The following THSD4 variants were observed in gnomAD, a reference collection of about 807,000 sequenced individuals.
THSD4 encodes the protein thrombospondin type 1 domain containing 4, also known as thrombospondin type-1 domain-containing protein 4.
A neutral mutation model predicts 119.0 loss-of-function variants in THSD4; 69 were observed. The ratio of observed to expected loss-of-function variants is 0.58; its 90% CI spans 0.48 to 0.71. The LOEUF (loss-of-function observed/expected upper bound fraction) is 0.71. Among genes scored for constraint, THSD4 ranks in the 30% least tolerant of loss-of-function variants. The pLI is 0.00. For synonymous variants in THSD4, 524 were observed against 540.4 expected (o/e 0.97, Z 0.42); for missense variants, 1,393 against 1,391.1 (o/e 1.00, Z -0.02).
intron 8 of THSD4, among the ~76,000 whole-genome samples, chr15:71,702,496 A>G (rs1167268466): frequency 6.6e-6 from 1 of 152,180 alleles, no homozygotes; most frequent in Non-Finnish European, 1.5e-5. Flanking sequence ...TTGGGGGCTC[A>G]AGCCTCATTA....
At chr15:71,408,390 G>A (rs1156462932) in intron 6 of THSD4, among the ~76,000 whole-genome samples, 1 of 151,882 alleles carries the variant, frequency 6.6e-6, no homozygotes, top group African/African-American at 2.4e-5. Flanking sequence ...GCACCCTCAC[G>A]CCCACCTAAT....
chr15:71,704,294 C>G (rs1411453735), intron 8 of THSD4, among the ~76,000 whole-genome samples: 2 of 152,220 alleles, frequency 1.3e-5, no homozygotes. Flanking sequence ...GGCTATGTCC[C>G]CACCCAAATC....
intron 6 of THSD4, among the ~76,000 whole-genome samples, chr15:71,362,161 C>T (rs373901906): frequency 6.6e-6 from 1 of 152,132 alleles, no homozygotes; most frequent in Non-Finnish European, 1.5e-5. Context: ...TGCCTGTAAT[C>T]CCAGCTACTT....
chr15:71,365,484 G>A (rs887523983), intron 6 of THSD4, among the ~76,000 whole-genome samples: 1 of 151,926 alleles, frequency 6.6e-6, no homozygotes, highest in African/African-American at 2.4e-5. Flanking sequence ...GTATTTCCTT[G>A]TCTCCCAAAA....
intron 8 of THSD4, among the ~76,000 whole-genome samples, chr15:71,694,517 A>G (rs952116545): frequency 2.0e-5 from 3 of 152,192 alleles, no homozygotes; most frequent in African/African-American, 7.2e-5. Context: ...ATTTCTGTGT[A>G]TAGTTTAATT....
chr15:71,547,672 TTTC>T, intron 7 of THSD4: 1 of 670,230 alleles, frequency 1.5e-6, no homozygotes, highest in Non-Finnish European at 2.3e-6. Flanking sequence ...AATTTTATAC[TTTC>T]TAAAATGTCA....
intron 2 of THSD4, among the ~76,000 whole-genome samples, chr15:71,153,449 C>T (rs941982585): frequency 2.6e-5 from 4 of 152,186 alleles, no homozygotes; most frequent in Admixed American, 2.6e-4. Flanking sequence ...AACTCCATGA[C>T]AACAGCAAGA....
intron 2 of THSD4, among the ~76,000 whole-genome samples, chr15:71,142,712 G>A (rs1323805648): frequency 6.6e-6 from 1 of 152,136 alleles, no homozygotes; most frequent in African/African-American, 2.4e-5. Context: ...ATTCTGTGAT[G>A]AAGCTCATCT....
chr15:71,635,182 C>G (rs965593008), intron 7 of THSD4, among the ~76,000 whole-genome samples: 1 of 152,194 alleles, frequency 6.6e-6, no homozygotes, highest in Non-Finnish European at 1.5e-5. Context: ...GAATGTAGGA[C>G]TTCATTTTTC....
intron 6 of THSD4, among the ~76,000 whole-genome samples, chr15:71,266,309 A>AG (rs1171736473): frequency 6.6e-6 from 1 of 152,212 alleles, no homozygotes; most frequent in Non-Finnish European, 1.5e-5. Context: ...GGTGATACCT[A>AG]GGCAAACAGG....
chr15:71,477,547 C>T (rs1334071139), intron 7 of THSD4, among the ~76,000 whole-genome samples: 1 of 152,182 alleles, frequency 6.6e-6, no homozygotes, highest in Non-Finnish European at 1.5e-5. Context: ...CATTATGCTG[C>T]ATGTTATGGA....
intron 7 of THSD4, among the ~76,000 whole-genome samples, chr15:71,636,038 A>G (rs1345541390): frequency 6.6e-6 from 1 of 152,202 alleles, no homozygotes; most frequent in Non-Finnish European, 1.5e-5. Flanking sequence ...AGTGGAAAGC[A>G]CGTGGGCTTT....
intron 7 of THSD4, among the ~76,000 whole-genome samples, chr15:71,439,336 C>G (rs909560085): frequency 2.0e-5 from 3 of 152,134 alleles, no homozygotes; most frequent in Non-Finnish European, 4.4e-5. Context: ...TCACAATTCC[C>G]AGCAAAATGC....
At chr15:71,244,888 TAGAG>T (rs1380188826) in intron 5 of THSD4, among the ~76,000 whole-genome samples, 1 of 152,170 alleles carries the variant, frequency 6.6e-6, no homozygotes, top group Non-Finnish European at 1.5e-5. Context: ...AAGCAAACCA[TAGAG>T]AGAAAGTAAA....
At chr15:71,112,007 C>G (rs549547628), upstream of THSD4, 50 of 1,204,794 alleles carry the variant, frequency 4.2e-5, no homozygotes, top group African/African-American at 1.4e-4. Flanking sequence ...AAGTTTCCCC[C>G]CAAAGGGTCC....
intron 7 of THSD4, among the ~76,000 whole-genome samples, chr15:71,429,887 C>T (rs750537291): frequency 3.3e-5 from 5 of 152,180 alleles, no homozygotes; most frequent in Non-Finnish European, 5.9e-5. Flanking sequence ...CAAAATTAGA[C>T]CTCTATCCAT....
At chr15:71,635,787 T>C (rs72625787) in intron 7 of THSD4, among the ~76,000 whole-genome samples, 16,433 of 152,260 alleles carry the variant, frequency 0.11, 994 homozygotes, top group East Asian at 0.21. Context: ...GAATTAACGT[T>C]TATTGGGTGC....
intron 7 of THSD4, among the ~76,000 whole-genome samples, chr15:71,567,434 C>T (rs2049262506): frequency 6.6e-6 from 1 of 152,156 alleles, no homozygotes; most frequent in African/African-American, 2.4e-5. Flanking sequence ...CTGCTGGAGA[C>T]ATCTAGGAGT....
intron 7 of THSD4, among the ~76,000 whole-genome samples, chr15:71,494,318 A>G (rs2047976042): frequency 6.6e-6 from 1 of 152,104 alleles, no homozygotes; most frequent in Non-Finnish European, 1.5e-5. Context: ...CTCTGTCCCC[A>G]TCTTTTCTTT....
Sources: gnomAD v4.1 joint callset for allele counts (sites outside exome capture counted in the v4.1 genomes callset) on GRCh38, gnomAD v4.1.1 for gene constraint, MANE v1.5 for transcripts, NCBI Gene and HGNC (gene_info 2026-07-23, HGNC 2026-07-21) for gene names.